HS1BP3: variants seen among roughly 807,000 people sequenced by gnomAD.
HS1BP3 encodes HCLS1 binding protein 3.
Under a neutral mutation model 33.5 loss-of-function variants are expected in HS1BP3, and 32 were observed. That is an observed-to-expected ratio of 0.95 (90% confidence interval 0.72 to 1.28). The LOEUF is 1.28. HS1BP3 is among the 50% of genes most tolerant of loss of function. The pLI is 0.00. For missense variants in HS1BP3, 486 were observed against 502.3 expected (o/e 0.97, Z 0.31); for synonymous variants, 187 against 209.2 (o/e 0.89, Z 0.92).
chr2:20,617,642 T>C (rs1336203939), downstream of HS1BP3, among the ~76,000 whole-genome samples: 3 of 152,090 alleles, frequency 2.0e-5, no homozygotes, highest in Non-Finnish European at 4.4e-5. Flanking sequence ...GGCTTTGGTG[T>C]CTATCAGAAA....
intron 4 of HS1BP3, chr2:20,636,782 A>G (rs1695143715): frequency 6.6e-6 from 1 of 152,260 alleles, no homozygotes; most frequent in Admixed American, 6.5e-5. Context: ...ATGCTGTCTT[A>G]CAGATATAAT....
chr2:20,643,743 C>G (rs1403862954), intron 2 of HS1BP3, among the ~76,000 whole-genome samples: 1 of 152,018 alleles, frequency 6.6e-6, no homozygotes, highest in Non-Finnish European at 1.5e-5. Flanking sequence ...GCCTGGACAA[C>G]ATAACAAGAC....
chr2:20,606,553 C>A, intron 2 of HS1BP3: 1 of 485,822 alleles, frequency 2.1e-6, no homozygotes, highest in Non-Finnish European at 4.1e-6. Context: ...CTTTGGAGCA[C>A]TTCTTCTTTT....
intron 2 of HS1BP3, among the ~76,000 whole-genome samples, chr2:20,605,175 C>T (rs1367472575): frequency 6.6e-6 from 1 of 152,202 alleles, no homozygotes; most frequent in African/African-American, 2.4e-5. Context: ...ACAGGAAGTG[C>T]ACAAACACAC....
In HS1BP3 at chr2:20,623,977, G is replaced by C. The variant is rs1369992367; in HGVS notation, c.839C>G (p.Ser280Cys). 1 of 1,612,340 alleles carries C rather than the reference G, an allele frequency of 6.2e-7. No homozygotes were observed. The highest frequency in any genetic ancestry group is 8.5e-7 in the Non-Finnish European group (1 of 1,179,620). ...DLGGAIPLGD[S>C]LLLPAACESG... ...CTCACAGGCGGCTGGCAGCAGGAGG[G>C]AGTCACCCAGGGGGATGGCCCCGCC... Residue 280 changes from serine (S) to cysteine (C), a missense_variant, in exon 6 of 7, where the codon TCC (serine) becomes TGC (cysteine). Coordinates refer to ENST00000304031, the MANE Select transcript of HS1BP3 (RefSeq NM_022460.4).
intron 4 of HS1BP3, among the ~76,000 whole-genome samples, chr2:20,625,496 A>G (rs1694751407): frequency 6.6e-6 from 1 of 152,260 alleles, no homozygotes; most frequent in Non-Finnish European, 1.5e-5. Context: ...CACAAACCTC[A>G]GGGCTAGGAC....
At chr2:20,622,358 T>C in intron 6 of HS1BP3, 2 of 1,298,348 alleles carry the variant, frequency 1.5e-6, no homozygotes, top group Non-Finnish European at 2.0e-6. Flanking sequence ...ATCCTTTCAT[T>C]AGCAGATGTC....
the HS1BP3 span, among the ~76,000 whole-genome samples, chr2:20,554,429 G>GA: frequency 6.6e-6 from 1 of 152,168 alleles, no homozygotes; most frequent in Non-Finnish European, 1.5e-5. Flanking sequence ...CAAAGCTTAA[G>GA]AAGCACTCAG....
At chr2:20,642,900 T>C (rs930125708) in intron 2 of HS1BP3, among the ~76,000 whole-genome samples, 2 of 152,244 alleles carry the variant, frequency 1.3e-5, no homozygotes, top group African/African-American at 2.4e-5. Context: ...AGCTTGTGGG[T>C]GTCTGCACTG....
intron 5 of HS1BP3, among the ~76,000 whole-genome samples, chr2:20,567,969 C>T (rs1321904940): frequency 6.6e-6 from 1 of 152,104 alleles, no homozygotes; most frequent in Non-Finnish European, 1.5e-5. Context: ...ACAGTCAGTC[C>T]CCTAGGAGGG....
chr2:20,559,647 GATGGATGGGTGC>G (rs1165079092), downstream of HS1BP3, among the ~76,000 whole-genome samples: 2 of 24,388 alleles, frequency 8.2e-5, no homozygotes, highest in East Asian at 9.2e-3. Context: ...TAGATGGATG[GATGGATGGGTGC>G]ATGGATGGAT....
intron 5 of HS1BP3, among the ~76,000 whole-genome samples, chr2:20,570,671 C>A (rs1693244719): frequency 6.6e-6 from 1 of 152,154 alleles, no homozygotes; most frequent in African/African-American, 2.4e-5. Context: ...AGGTGGTTCC[C>A]AAGAACTGCC....
chr2:20,621,201 G>A (rs1223637823), intron 6 of HS1BP3, among the ~76,000 whole-genome samples: 1 of 152,244 alleles, frequency 6.6e-6, no homozygotes, highest in Non-Finnish European at 1.5e-5. Flanking sequence ...GGCACTACCA[G>A]AGAGCCTGTG....
downstream of HS1BP3, among the ~76,000 whole-genome samples, chr2:20,588,838 C>T (rs187758531): frequency 1.4e-4 from 22 of 152,358 alleles, no homozygotes; most frequent in East Asian, 4.1e-3. Flanking sequence ...GTCCCTCTAA[C>T]CTCACAGAGG....
In HS1BP3 at chr2:20,619,157, T is replaced by C; in HGVS notation, c.1009A>G (p.Lys337Glu). 6.2e-7 allele frequency: 1 copy of C among 1,614,144 alleles called. No homozygotes were observed. The highest frequency in any genetic ancestry group is 8.5e-7 in the Non-Finnish European group (1 of 1,180,012). ...QLKPKPPVAA[K>E]PVIPRKPAVP... is the part of the protein sequence containing the mutation. Reference sequence around the variant, plus strand: ...GCTGGTTTTCTGGGTATCACCGGCTTAGCTGCCACTGGTGGCTTGGGCTTA... The same window carrying C: ...GCTGGTTTTCTGGGTATCACCGGCTCAGCTGCCACTGGTGGCTTGGGCTTA... Residue 337 changes from lysine (K) to glutamate (E), a missense_variant, in exon 7 of 7, where the codon AAG becomes GAG. Physicochemically the swap from Lys to Glu is moderately conservative, Grantham distance 56. Coordinates refer to ENST00000304031, the MANE Select transcript of HS1BP3 (RefSeq NM_022460.4).
At position 20,621,461 on chromosome 2, in the gene HS1BP3, G is replaced by C. The variant is rs969411506; in HGVS notation, c.921-2216C>G. 6.6e-5 allele frequency among the ~76,000 whole-genome samples: 10 copies of C among 152,238 alleles called. No individual in the cohort carries two copies. The East Asian group carries it at 1.2e-3, about 18-fold the overall frequency. On this transcript the variant is annotated intron_variant, in intron 6 of 6. Transcript: ENST00000304031. ...GACAGACCAGCTGTCTTGGGGTAGAGGTGATTTCAGGAGGTGTCACTCATG... is the reference window on the plus strand; with the variant it reads ...GACAGACCAGCTGTCTTGGGGTAGACGTGATTTCAGGAGGTGTCACTCATG...
intron 1 of HS1BP3, among the ~76,000 whole-genome samples, chr2:20,646,548 T>C (rs1231280335): frequency 6.6e-6 from 1 of 152,260 alleles, no homozygotes; most frequent in Non-Finnish European, 1.5e-5. Flanking sequence ...TCCTATGCCA[T>C]GTATGACACC....
rs577628076 is a variant in HS1BP3, at chr2:20,560,775, C to T, written c.303-260G>A. 7.2e-4 allele frequency among the ~76,000 whole-genome samples: 110 copies of T among 152,266 alleles called. 1 individual carries two copies. The highest frequency in any genetic ancestry group is 2.5e-3 in the African/African-American group (103 of 41,546). ...CTGGCTCTTGCCTTCATCCCTATGG[C>T]CTCCGACTGCAGGCAGGTCCCAAAG... On this transcript the variant is annotated intron_variant, in intron 5 of 5. Transcript: ENST00000446825.
At position 20,611,723 on chromosome 2, in the gene HS1BP3, G is replaced by C. The variant is rs1396023992; in HGVS notation, c.178+12173C>G. 6.6e-6 allele frequency among the ~76,000 whole-genome samples: 1 copy of C among 152,152 alleles called. No homozygotes were observed. Among genetic ancestry groups the C allele is most frequent in the Non-Finnish European group, 1.5e-5 (1 of 68,012 alleles). ...CTGGACACAGGGTCCCTCAATCCCA[G>C]GGCCCCTTTCTGGGTCTCCAGTGGT... On this transcript the variant is annotated intron_variant, in intron 2 of 3. Transcript: ENST00000415264. The surrounding 1 kb of genome is among the most constrained non-coding windows in gnomAD (Gnocchi z 4.9).
Sources: allele counts gnomAD v4.1 joint callset (sites outside exome capture counted in the v4.1 genomes callset), GRCh38; gene constraint gnomAD v4.1.1; non-coding constraint Gnocchi (gnomAD v3.1); transcripts MANE v1.5; gene names NCBI Gene and HGNC (gene_info 2026-07-23, HGNC 2026-07-21).